The following RBFOX1 variants were observed in gnomAD, a reference collection of about 807,000 sequenced individuals.
RBFOX1 encodes the protein RNA binding protein fox-1 homolog 1.
Under a neutral mutation model 57.7 loss-of-function variants are expected in RBFOX1, and 8 were observed. The observed-to-expected ratio is 0.14, with a 90% CI of 0.08 to 0.25. The LOEUF (loss-of-function observed/expected upper bound fraction) is 0.25. Among genes scored for constraint, RBFOX1 ranks in the 10% least tolerant of loss-of-function variants. The pLI is 1.00. For missense variants in RBFOX1, 611 were observed against 548.5 expected, an observed-to-expected ratio of 1.11 and a Z score of -1.14; for synonymous variants, 326 against 222.4, an observed-to-expected ratio of 1.47 and a Z score of -4.15.
intron 5 of RBFOX1, among the ~76,000 whole-genome samples, chr16:7,540,584 G>A (rs2082651849): frequency 6.6e-6 from 1 of 152,208 alleles, no homozygotes; most frequent in South Asian, 2.1e-4. Flanking sequence ...ATCACTGACT[G>A]CTCTGTCTCT....
chr16:6,292,469 C>G (rs1599271556), intron 1 of RBFOX1, among the ~76,000 whole-genome samples: 2 of 151,790 alleles, frequency 1.3e-5, no homozygotes, highest in Admixed American at 1.3e-4. Flanking sequence ...TTCAATAATT[C>G]AGTGTCAAAT....
At chr16:6,268,380 G>A (rs2074795409) in intron 1 of RBFOX1, among the ~76,000 whole-genome samples, 2 of 151,728 alleles carry the variant, frequency 1.3e-5, no homozygotes, top group African/African-American at 4.9e-5. Context: ...GACCCTAACT[G>A]TCTTGGTATG....
intron 3 of RBFOX1, among the ~76,000 whole-genome samples, chr16:6,857,541 A>G (rs2058131247): frequency 6.6e-6 from 1 of 152,214 alleles, no homozygotes; most frequent in Non-Finnish European, 1.5e-5. Context: ...TCCTTTTTTT[A>G]TTGACTACAA....
intron 2 of RBFOX1, among the ~76,000 whole-genome samples, chr16:6,433,586 C>G (rs1456788461): frequency 2.0e-5 from 3 of 152,186 alleles, no homozygotes; most frequent in Non-Finnish European, 4.4e-5. Flanking sequence ...AAGCAAGAAC[C>G]TTATGAACGT....
chr16:6,819,726 AAAAAAT>A (rs80105953), intron 3 of RBFOX1, among the ~76,000 whole-genome samples: 5 of 129,018 alleles, frequency 3.9e-5, no homozygotes, highest in Non-Finnish European at 6.5e-5. Flanking sequence ...AAAAAAAAAA[AAAAAAT>A]AACAACACCA....
intron 4 of RBFOX1, among the ~76,000 whole-genome samples, chr16:7,060,253 A>G (rs2053835893): frequency 6.6e-6 from 1 of 152,340 alleles, no homozygotes. Context: ...CTATGTCTCA[A>G]TAAAACTTTA....
intron 3 of RBFOX1, among the ~76,000 whole-genome samples, chr16:7,000,904 C>A (rs926289119): frequency 6.6e-6 from 1 of 152,028 alleles, no homozygotes; most frequent in Non-Finnish European, 1.5e-5. Context: ...ACCTGGGAAA[C>A]ACATAATAAA....
chr16:6,283,414 T>C (rs971726626), intron 1 of RBFOX1, among the ~76,000 whole-genome samples: 3 of 152,200 alleles, frequency 2.0e-5, no homozygotes, highest in Non-Finnish European at 4.4e-5. Flanking sequence ...AATTTTTATT[T>C]ATTCTGTTTT....
At chr16:5,850,890 G>A (rs1426782537) in intron 3 of RBFOX1, among the ~76,000 whole-genome samples, 1 of 152,206 alleles carries the variant, frequency 6.6e-6, no homozygotes, top group African/African-American at 2.4e-5. Context: ...ATGAAGGATG[G>A]CTTTTTAAAG....
chr16:6,876,117 A>C (rs193266107), intron 3 of RBFOX1, among the ~76,000 whole-genome samples: 36 of 152,250 alleles, frequency 2.4e-4, no homozygotes, highest in Admixed American at 1.6e-3. Flanking sequence ...CCGGAGATTG[A>C]GGCTGCAGTG....
At chr16:7,143,746 T>C (rs2074331695) in intron 4 of RBFOX1, among the ~76,000 whole-genome samples, 1 of 152,108 alleles carries the variant, frequency 6.6e-6, no homozygotes, top group Non-Finnish European at 1.5e-5. Flanking sequence ...GGTTTATTGG[T>C]TCATTTATAC....
chr16:5,401,663 A>G lies in RBFOX1; in HGVS notation c.220-65553A>G, dbSNP rs141866208. On this transcript the variant is annotated intron_variant, in intron 1 of 2. Coordinates refer to the RBFOX1 transcript ENST00000585867. ...GAAGATTTGACATTTTTACATATTT[A>G]ATCTTTCCATCCAGGGAAGATTGGA... Among the ~76,000 whole-genome samples, 488 of 152,176 alleles carry G rather than the reference A, an allele frequency of 3.2e-3. 3 individuals carry two copies. The highest frequency in any genetic ancestry group is 0.011 in the African/African-American group (461 of 41,514).
chr16:6,495,170 G>C (rs560748103), intron 2 of RBFOX1, among the ~76,000 whole-genome samples: 4 of 152,292 alleles, frequency 2.6e-5, no homozygotes, highest in African/African-American at 7.2e-5. Context: ...CCATGCGGGA[G>C]TGAAGTGGTG....
At chr16:5,433,873 T>C (rs1240810935) in intron 1 of RBFOX1, among the ~76,000 whole-genome samples, 2 of 152,156 alleles carry the variant, frequency 1.3e-5, no homozygotes, top group East Asian at 1.9e-4. Flanking sequence ...ATGGAAAACG[T>C]AGGAGACCGA....
intron 4 of RBFOX1, among the ~76,000 whole-genome samples, chr16:7,368,753 C>G (rs1211876046): frequency 6.8e-6 from 1 of 147,378 alleles, no homozygotes; most frequent in East Asian, 2.0e-4. Context: ...GCACTCCAGC[C>G]TGGGTGACAG....
chr16:6,854,095 A>T (rs1271783694), intron 3 of RBFOX1, among the ~76,000 whole-genome samples: 1 of 152,168 alleles, frequency 6.6e-6, no homozygotes, highest in East Asian at 1.9e-4. Flanking sequence ...GAGTGTGATA[A>T]TGTTTTCTTT....
chr16:5,586,206 C>G (rs2046823207), intron 2 of RBFOX1, among the ~76,000 whole-genome samples: 1 of 152,110 alleles, frequency 6.6e-6, no homozygotes, highest in Admixed American at 6.5e-5. Flanking sequence ...CTAGAAGGAG[C>G]CAGCCCTGCC....
chr16:6,551,227 C>T (rs139795305), intron 2 of RBFOX1, among the ~76,000 whole-genome samples: 1 of 152,322 alleles, frequency 6.6e-6, no homozygotes, highest in East Asian at 1.9e-4. Context: ...TGTTGTGTAG[C>T]ATCAGCTATG....
chr16:5,283,372 G>T (rs1355626446), intron 1 of RBFOX1, among the ~76,000 whole-genome samples: 1 of 152,160 alleles, frequency 6.6e-6, no homozygotes, highest in Non-Finnish European at 1.5e-5. Flanking sequence ...CCATCCTCCA[G>T]ACCCCAGAAT....
Sources: allele counts gnomAD v4.1 joint callset (sites outside exome capture counted in the v4.1 genomes callset), GRCh38; gene constraint gnomAD v4.1.1; transcripts MANE v1.5; gene names NCBI Gene and HGNC (gene_info 2026-07-23, HGNC 2026-07-21).